Variants in SLC14A2 observed in about 807,000 individuals in gnomAD.
The protein encoded by SLC14A2 is urea transporter 2.
In SLC14A2, 91 loss-of-function variants were observed where a neutral mutation model predicts 104.6. That is an observed-to-expected ratio of 0.87 (90% confidence interval 0.73 to 1.04). The LOEUF (loss-of-function observed/expected upper bound fraction) is 1.04. Among genes scored for constraint, SLC14A2 ranks in the 50% least tolerant of loss-of-function variants. The pLI is 0.00. For missense variants in SLC14A2, 1,189 were observed against 1,156.0 expected (o/e 1.03, Z -0.41); for synonymous variants, 476 against 466.4 (o/e 1.02, Z -0.27).
At chr18:45,308,026 A>C (rs2085041430) in intron 1 of SLC14A2, among the ~76,000 whole-genome samples, 2 of 152,140 alleles carry the variant, frequency 1.3e-5, no homozygotes, top group African/African-American at 4.8e-5. Context: ...GAGATGAGAG[A>C]GGGGCCACGC....
intron 1 of SLC14A2, among the ~76,000 whole-genome samples, chr18:45,323,334 C>G (rs1014170477): frequency 1.3e-5 from 2 of 152,206 alleles, no homozygotes; most frequent in Admixed American, 6.5e-5. Context: ...TTGTGTCAGG[C>G]CTCTCCCAAG....
At chr18:45,425,592 C>T (rs2086413009) in intron 1 of SLC14A2, among the ~76,000 whole-genome samples, 1 of 152,184 alleles carries the variant, frequency 6.6e-6, no homozygotes, top group Non-Finnish European at 1.5e-5. Context: ...GACATGTCTG[C>T]TCTGGGAGAG....
At chr18:45,414,757 A>AAAAAAATATATATATATATATATAT (rs1360051908) in intron 1 of SLC14A2, among the ~76,000 whole-genome samples, 1 of 76,104 alleles carries the variant, frequency 1.3e-5, no homozygotes, top group Admixed American at 1.7e-4. Flanking sequence ...AAAAAAAAAA[A>AAAAAAATATATATATATATATATAT]ATATATATAT....
intron 2 of SLC14A2, among the ~76,000 whole-genome samples, chr18:45,543,368 A>G (rs2043919862): frequency 6.6e-6 from 1 of 152,062 alleles, no homozygotes; most frequent in Non-Finnish European, 1.5e-5. Flanking sequence ...ATTATCTTAT[A>G]TATTTAAATA....
chr18:45,186,087 C>T, the SLC14A2 span, among the ~76,000 whole-genome samples: 22 of 152,276 alleles, frequency 1.4e-4, 3 homozygotes, highest in South Asian at 2.5e-3. Context: ...AATAGAGATG[C>T]CAGCAGTCTT....
rs537031793 is a variant in SLC14A2, at chr18:45,285,151, G to A, written c.-125+71960G>A. ...AGAAGGTTTATTTTAAATGTGGAGG[G>A]TGATACATTCTATTGGTAGAATAGA... is the stretch of plus-strand genomic sequence containing the variant. On this transcript the variant is annotated intron_variant, in intron 1 of 20. Transcript: ENST00000586448. Among the ~76,000 whole-genome samples, 7 of 152,250 alleles carry A rather than the reference G, an allele frequency of 4.6e-5. No homozygotes were observed. The South Asian group carries it at 1.5e-3, about 32-fold the overall frequency.
intron 1 of SLC14A2, among the ~76,000 whole-genome samples, chr18:45,424,579 T>C (rs9946276): frequency 0.027 from 4,175 of 152,342 alleles, 208 homozygotes; most frequent in African/African-American, 0.095. Flanking sequence ...CATGAGTAGG[T>C]GGACACCCAC....
At chr18:45,486,317 G>A (rs891337788) in intron 2 of SLC14A2, among the ~76,000 whole-genome samples, 4 of 151,770 alleles carry the variant, frequency 2.6e-5, no homozygotes, top group Non-Finnish European at 5.9e-5. Flanking sequence ...TTTAATTACA[G>A]TGGCATTTTA....
chr18:45,348,050 T>C (rs962662234), intron 1 of SLC14A2, among the ~76,000 whole-genome samples: 6 of 152,210 alleles, frequency 3.9e-5, no homozygotes, highest in Admixed American at 2.6e-4. Context: ...AATTCGTCAA[T>C]TGAAGCTCCT....
At chr18:45,538,879 T>C (rs986255664) in intron 2 of SLC14A2, among the ~76,000 whole-genome samples, 1 of 150,012 alleles carries the variant, frequency 6.7e-6, no homozygotes, top group Non-Finnish European at 1.5e-5. Flanking sequence ...TTTGCTTGCT[T>C]TCTTTCCTTC....
intron 2 of SLC14A2, among the ~76,000 whole-genome samples, chr18:45,581,937 T>G (rs1305945613): frequency 6.6e-6 from 1 of 152,232 alleles, no homozygotes; most frequent in African/African-American, 2.4e-5. Context: ...GTTTATTTTC[T>G]GTTGCTATAC....
intron 2 of SLC14A2, among the ~76,000 whole-genome samples, chr18:45,593,643 C>A (rs2044683453): frequency 6.6e-6 from 1 of 151,566 alleles, no homozygotes; most frequent in African/African-American, 2.4e-5. Context: ...GTGCCTGCCA[C>A]CACGCCCAGC....
intron 1 of SLC14A2, among the ~76,000 whole-genome samples, chr18:45,246,143 T>C (rs1036387127): frequency 2.6e-5 from 4 of 152,168 alleles, no homozygotes; most frequent in African/African-American, 9.6e-5. Flanking sequence ...GTAGGACTTG[T>C]ATCCTTACAA....
chr18:45,626,021 G>C lies in SLC14A2; in HGVS notation c.331+158G>C, dbSNP rs2045252812. On this transcript the variant is annotated intron_variant, in intron 3 of 19. Transcript: ENST00000255226. ...TCACCCAGGGCTGGAGTCCACAGCT[G>C]GGGGAACTTCAGCCCTAAGCTGACT... is the stretch of plus-strand genomic sequence containing the variant. Among the ~76,000 whole-genome samples, 3 of 152,128 alleles carry C rather than the reference G, an allele frequency of 2.0e-5. No individual in the cohort carries two copies. The South Asian group carries it at 6.2e-4, about 32-fold the overall frequency.
intron 1 of SLC14A2, among the ~76,000 whole-genome samples, chr18:45,412,104 T>A (rs1343685524): frequency 6.6e-6 from 1 of 152,194 alleles, no homozygotes; most frequent in Non-Finnish European, 1.5e-5. Flanking sequence ...TGTTGTTAGT[T>A]TGCTGTTGCA....
intron 1 of SLC14A2, among the ~76,000 whole-genome samples, chr18:45,355,878 A>G (rs527305894): frequency 2.0e-5 from 3 of 152,256 alleles, no homozygotes; most frequent in African/African-American, 7.2e-5. Context: ...AGTTAAAGAG[A>G]CCTAGATGGG....
intron 1 of SLC14A2, among the ~76,000 whole-genome samples, chr18:45,375,601 C>A (rs961821702): frequency 6.6e-6 from 1 of 152,204 alleles, no homozygotes; most frequent in Non-Finnish European, 1.5e-5. Context: ...TGGTCTCCTG[C>A]ACGGCCGGCT....
intron 2 of SLC14A2, among the ~76,000 whole-genome samples, chr18:45,555,086 T>C (rs760559540): frequency 2.0e-5 from 3 of 152,208 alleles, no homozygotes; most frequent in Non-Finnish European, 4.4e-5. Context: ...CCAAATTGAA[T>C]GAGCTGAATA....
chr18:45,383,407 C>A (rs1189055734), intron 1 of SLC14A2, among the ~76,000 whole-genome samples: 2 of 152,134 alleles, frequency 1.3e-5, no homozygotes, highest in Non-Finnish European at 2.9e-5. Context: ...CATAGAATCC[C>A]AAAGGCTGAG....
Sources: allele counts gnomAD v4.1 joint callset (sites outside exome capture counted in the v4.1 genomes callset), GRCh38; gene constraint gnomAD v4.1.1; transcripts MANE v1.5; gene names NCBI Gene and HGNC (gene_info 2026-07-23, HGNC 2026-07-21).